The following AMOTL1 variants were observed in gnomAD, a reference collection of about 807,000 sequenced individuals.
The protein encoded by AMOTL1 is angiomotin like 1, also known as angiomotin-like protein 1.
A neutral mutation model predicts 102.9 loss-of-function variants in AMOTL1; 45 were observed. The ratio of observed to expected loss-of-function variants is 0.44; its 90% CI spans 0.34 to 0.56. AMOTL1 has a LOEUF of 0.56. AMOTL1 is among the 20% of genes least tolerant of loss of function. AMOTL1 has a pLI of 0.01. For missense variants in AMOTL1, 1,114 were observed against 1,225.6 expected, an observed-to-expected ratio of 0.91 and a Z score of 1.36; for synonymous variants, 481 against 484.7, an observed-to-expected ratio of 0.99 and a Z score of 0.10.
intron 4 of AMOTL1, among the ~76,000 whole-genome samples, chr11:94,829,524 A>G (rs1331908701): frequency 6.6e-6 from 1 of 152,080 alleles, no homozygotes; most frequent in Non-Finnish European, 1.5e-5. Context: ...CCATATAGAT[A>G]ATTTTATAGA....
rs1162222266 is a variant in AMOTL1, at chr11:94,707,236, CTCTCTCTCTCTCTCTG to C, written c.-51+641_-51+656del. On this transcript the variant is annotated intron_variant, in intron 1 of 4. Coordinates refer to the AMOTL1 transcript ENST00000299004. ...GAGGTCTCTCTCTCTCTCTCTCTCTCTCTCTCTCTCTCTCTGTGTGTGTGTGTGTGTGTGTGTGTGT... is the reference window on the plus strand; with the variant it reads ...GAGGTCTCTCTCTCTCTCTCTCTCTCTGTGTGTGTGTGTGTGTGTGTGTGT... Among the ~76,000 whole-genome samples the C allele has an allele frequency of 4.1e-3, 571 of 140,958 alleles. 3 individuals are homozygous for C. Among genetic ancestry groups the C allele is most frequent in the Non-Finnish European group, 5.2e-3 (335 of 64,640 alleles). 92.5% of individuals were successfully genotyped at this position (140,958 alleles called of 152,430 possible).
At position 94,779,086 on chromosome 11, in the gene AMOTL1, C is replaced by T. The variant is rs374884245; in HGVS notation, c.49+10526C>T. ...TCAAGGATGTAGACCCACCTTTCCA[C>T]AGGTGTGTCAAAGAATTTGCAGACA... On this transcript the variant is annotated intron_variant, in intron 1 of 12. Transcript: ENST00000433060. Among the ~76,000 whole-genome samples the T allele has an allele frequency of 1.6e-4, 25 of 152,304 alleles. 1 individual carries two copies. The highest frequency in any genetic ancestry group is 5.1e-4 in the African/African-American group (21 of 41,570).
intron 3 of AMOTL1, 137 bp from the exon 4 acceptor site, chr11:94,821,393 A>AGTATTCACT: frequency 1.1e-6 from 1 of 891,138 alleles, no homozygotes; most frequent in Non-Finnish European, 1.7e-6. Flanking sequence ...ATGGGAGCAC[A>AGTATTCACT]GTGAATACCT....
At chr11:94,779,310 A>G (rs758561245) in intron 1 of AMOTL1, among the ~76,000 whole-genome samples, 8 of 152,016 alleles carry the variant, frequency 5.3e-5, no homozygotes, top group Admixed American at 2.0e-4. Flanking sequence ...CCACTACTTT[A>G]CCTCCTGCCT....
At chr11:94,764,405 C>G (rs535090621), upstream of AMOTL1, among the ~76,000 whole-genome samples, 4 of 152,294 alleles carry the variant, frequency 2.6e-5, no homozygotes, top group East Asian at 5.8e-4. Context: ...ATAAGTTACA[C>G]TTCAGAAAGT....
At chr11:94,847,268 G>A (rs895415284) in intron 6 of AMOTL1, among the ~76,000 whole-genome samples, 5 of 152,296 alleles carry the variant, frequency 3.3e-5, no homozygotes. Context: ...GATGTGTCGC[G>A]GCTTGTAAGC....
chr11:94,715,581 G>A (rs1227741467), intron 1 of AMOTL1, among the ~76,000 whole-genome samples: 1 of 152,094 alleles, frequency 6.6e-6, no homozygotes, highest in Non-Finnish European at 1.5e-5. Context: ...GCCTGATAAT[G>A]TCTTTATTTC....
chr11:94,805,915 C>A (rs1268835161), intron 3 of AMOTL1, among the ~76,000 whole-genome samples: 1 of 152,210 alleles, frequency 6.6e-6, no homozygotes, highest in Admixed American at 6.5e-5. Context: ...ACAGCCATCA[C>A]CACCACCTTC....
intron 5 of AMOTL1, among the ~76,000 whole-genome samples, chr11:94,831,219 C>T (rs1952063330): frequency 6.6e-6 from 1 of 152,194 alleles, no homozygotes; most frequent in South Asian, 2.1e-4. Context: ...TAGCTGCCTG[C>T]TGCTCGTGCA....
At chr11:94,709,276 A>G (rs1170717167) in intron 1 of AMOTL1, among the ~76,000 whole-genome samples, 4 of 152,168 alleles carry the variant, frequency 2.6e-5, no homozygotes, top group Admixed American at 6.5e-5. Context: ...GAAGGTTTAC[A>G]TCTTCCTTCT....
At chr11:94,805,227 G>T (rs530736644) in intron 3 of AMOTL1, among the ~76,000 whole-genome samples, 1 of 152,130 alleles carries the variant, frequency 6.6e-6, no homozygotes, top group Admixed American at 6.5e-5. Flanking sequence ...CCTGTGCTCT[G>T]CCCACCTTCT....
chr11:94,867,000 C>T (rs1952898083), intron 11 of AMOTL1, among the ~76,000 whole-genome samples: 1 of 152,112 alleles, frequency 6.6e-6, no homozygotes, highest in Non-Finnish European at 1.5e-5. Context: ...ACATCCTTCC[C>T]CTGCACTCTG....
At chr11:94,847,847 G>T (rs967249490) in intron 6 of AMOTL1, among the ~76,000 whole-genome samples, 8 of 152,160 alleles carry the variant, frequency 5.3e-5, no homozygotes, top group African/African-American at 1.9e-4. Context: ...AGTGATCACT[G>T]ATTTGCAGAA....
rs1264771771 is a variant in AMOTL1, at chr11:94,865,961, A to G, written c.2281A>G (p.Lys761Glu). 3 of 1,613,632 alleles carry G rather than the reference A, an allele frequency of 1.9e-6. No individual in the cohort carries two copies. The highest frequency in any genetic ancestry group is 1.7e-6 in the Non-Finnish European group (2 of 1,179,794). ...MEYTIKNLHA[K>E]IIEKDAMIKV... ...TTACAGTATTAAAAATCTCCATGCC[A>G]AAATCATAGAGAAAGATGCTATGAT... Residue 761 changes from lysine to glutamate, a missense_variant, in exon 11 of 13, where the codon AAA (lysine) becomes GAA (glutamate). Transcript: ENST00000433060.
intron 2 of AMOTL1, among the ~76,000 whole-genome samples, chr11:94,797,188 T>C (rs983694309): frequency 3.3e-5 from 5 of 152,222 alleles, no homozygotes; most frequent in African/African-American, 1.2e-4. Flanking sequence ...GAGTGAAGGC[T>C]GCCTAGAGAT....
chr11:94,796,873 C>A, intron 2 of AMOTL1: 3 of 468,256 alleles, frequency 6.4e-6, no homozygotes, highest in Non-Finnish European at 8.4e-6. Context: ...TGTCTATTTA[C>A]ATACACATAT....
At chr11:94,807,280 T>A (rs1951582632) in intron 3 of AMOTL1, among the ~76,000 whole-genome samples, 1 of 152,216 alleles carries the variant, frequency 6.6e-6, no homozygotes, top group Non-Finnish European at 1.5e-5. Context: ...TGCAAAGCTC[T>A]ATATAAATAA....
At chr11:94,859,107 A>G (rs1220670176) in intron 8 of AMOTL1, among the ~76,000 whole-genome samples, 1 of 152,136 alleles carries the variant, frequency 6.6e-6, no homozygotes, top group African/African-American at 2.4e-5. Context: ...AACTGGAATC[A>G]CTTTGTGGAA....
chr11:94,852,324 T>C (rs1285029957), intron 7 of AMOTL1, among the ~76,000 whole-genome samples: 1 of 152,258 alleles, frequency 6.6e-6, no homozygotes, highest in Non-Finnish European at 1.5e-5. Context: ...GGACAGGATA[T>C]AGGTATAACT....
Sources: allele counts gnomAD v4.1 joint callset (sites outside exome capture counted in the v4.1 genomes callset), GRCh38; gene constraint gnomAD v4.1.1; transcripts MANE v1.5; gene names NCBI Gene and HGNC (gene_info 2026-07-23, HGNC 2026-07-21).